The following PTHLH variants were observed in gnomAD, a reference collection of about 807,000 sequenced individuals.
The protein encoded by PTHLH is parathyroid hormone-related protein.
In PTHLH, 5 loss-of-function variants were observed where a neutral mutation model predicts 18.6. The ratio of observed to expected loss-of-function variants is 0.27; its 90% CI spans 0.14 to 0.56. PTHLH has a LOEUF of 0.56. PTHLH is among the 20% of genes least tolerant of loss of function. The pLI is 0.92. For missense variants in PTHLH, 207 were observed against 223.9 expected (o/e 0.92, Z 0.48); for synonymous variants, 90 against 94.0 (o/e 0.96, Z 0.25).
In PTHLH at chr12:27,963,511, T is replaced by C; in HGVS notation, c.361A>G (p.Thr121Ala). The change falls in exon 5 of 6, where the codon ACA becomes GCA. Residue 121 changes from threonine (T) to alanine (A), a missense_variant. Coordinates refer to ENST00000545234, the MANE Select transcript of PTHLH (RefSeq NM_198965.2). ...TTGCCTTTCTTTTTCTTCCCAGGTGTCTTGAGCGGCTGCTCTTTGTACGTC... is the reference window on the plus strand; with the variant it reads ...TTGCCTTTCTTTTTCTTCCCAGGTGCCTTGAGCGGCTGCTCTTTGTACGTC... ...VETYKEQPLK[T>A]PGKKKKGKPG... 2.5e-6 allele frequency: 4 copies of C among 1,614,220 alleles called. No individual in the cohort carries two copies. The highest frequency in any genetic ancestry group is 3.4e-6 in the Non-Finnish European group (4 of 1,180,034).
At chr12:27,969,721 C>T in intron 3 of PTHLH, 1 of 745,546 alleles carries the variant, frequency 1.3e-6, no homozygotes, top group Non-Finnish European at 2.5e-6. Flanking sequence ...TTTCTCCAAA[C>T]CACACAGCCA....
intron 5 of PTHLH, among the ~76,000 whole-genome samples, chr12:27,959,849 G>A (rs911902200): frequency 6.6e-6 from 1 of 152,130 alleles, no homozygotes; most frequent in Non-Finnish European, 1.5e-5. Context: ...TAGATGATAT[G>A]AATAAAGCCA....
chr12:27,963,385 A>G lies in PTHLH; in HGVS notation c.487T>C (p.Ser163Pro). ...TCCAGCGACGTTGTGGAGGTGTCAG[A>G]CAGGTGGTCCCCTTCTAGCCCACTC... ...TGSGLEGDHL[S>P]DTSTTSLELD... Residue 163 changes from serine (S) to proline (P), a missense_variant, in exon 5 of 6, where the codon TCT becomes CCT. Ser to Pro is a moderately conservative substitution (Grantham distance 74, BLOSUM62 -1). Coordinates refer to ENST00000545234, the MANE Select transcript of PTHLH (RefSeq NM_198965.2). The G allele has an allele frequency of 6.2e-7, 1 of 1,614,212 alleles. No homozygotes were observed. The highest frequency in any genetic ancestry group is 1.1e-5 in the South Asian group (1 of 91,084).
chr12:27,961,361 CT>C (rs981586043), intron 5 of PTHLH, among the ~76,000 whole-genome samples: 1 of 93,938 alleles, frequency 1.1e-5, no homozygotes, highest in Non-Finnish European at 2.3e-5. Context: ...ACATATCCCC[CT>C]AGATAGATAG....
chr12:27,971,884 G>A (rs2062874287), intron 2 of PTHLH, 43 bp downstream of exon 2: 1 of 151,996 alleles, frequency 6.6e-6, no homozygotes, highest in African/African-American at 2.4e-5. Flanking sequence ...GACTTGTTTG[G>A]ATAGTATGAA....
In PTHLH at chr12:27,969,486, C is replaced by T. The variant is rs1252496467; in HGVS notation, c.9G>A (p.Arg3=). The change falls in exon 4 of 6, where the codon CGG becomes CGA. Residue 3 remains arginine, a synonymous_variant. Coordinates refer to ENST00000545234, the MANE Select transcript of PTHLH (RefSeq NM_198965.2). The part of the protein sequence containing the change: MQ[R]RLVQQWSVAV... ...CGACGCTCCACTGCTGAACCAGTCT[C>T]CGCTGCATCGTCTCCGCTCGCGCTC... The T allele has an allele frequency of 1.3e-6, 2 of 1,582,934 alleles. No homozygotes were observed. The highest frequency in any genetic ancestry group is 1.7e-6 in the Non-Finnish European group (2 of 1,166,356).
intron 5 of PTHLH, chr12:27,963,044 C>G: frequency 7.9e-7 from 1 of 1,269,588 alleles, no homozygotes; most frequent in Non-Finnish European, 1.0e-6. Flanking sequence ...TGGTCACTAG[C>G]TTCTGAAGCT....
Position 27,963,763 on chromosome 12 carries a change from C to T in PTHLH, c.109G>A (p.Ala37Thr), listed in dbSNP as rs2062783782. 1 of 1,614,036 alleles carries T rather than the reference C, an allele frequency of 6.2e-7. No homozygotes were observed. Among genetic ancestry groups the T allele is most frequent in the South Asian group, 1.1e-5 (1 of 91,022 alleles). ...VEGLSRRLKR[A>T]VSEHQLLHDK... ...TGGAGGAGCTGATGTTCAGACACAGCTCTTTTGCTTTGAAAGAAAATATTA... is the reference window on the plus strand; with the variant it reads ...TGGAGGAGCTGATGTTCAGACACAGTTCTTTTGCTTTGAAAGAAAATATTA... Residue 37 changes from alanine to threonine, a missense_variant, in exon 5 of 6, where the codon GCT (alanine) becomes ACT (threonine). Transcript: ENST00000545234.
intron 5 of PTHLH, 55 bp from the exon 6 acceptor site, chr12:27,958,623 A>G: frequency 6.7e-7 from 1 of 1,485,110 alleles, no homozygotes; most frequent in Non-Finnish European, 9.1e-7. Flanking sequence ...TTTCTTTACA[A>G]ATGAAAACAT....
chr12:27,963,447 C>T lies in PTHLH; in HGVS notation c.425G>A (p.Arg142Gln). ...KRKEQEKKKR[R>Q]TRSAWLDSGV... ...AGAGTCTAACCAGGCAGAGCGAGTT[C>T]GCCGTTTTTTCTTTTCCTGCTCCTT... is the stretch of plus-strand genomic sequence containing the variant. Residue 142 changes from arginine to glutamine, a missense_variant, in exon 5 of 6, where the codon CGA becomes CAA. By Grantham distance (43) the Arg-to-Gln change is conservative. Coordinates refer to ENST00000545234, the MANE Select transcript of PTHLH (RefSeq NM_198965.2). The T allele has an allele frequency of 3.7e-6, 6 of 1,614,146 alleles. No individual in the cohort carries two copies. Among genetic ancestry groups the T allele is most frequent in the Non-Finnish European group, 4.2e-6 (5 of 1,180,026 alleles).
At chr12:27,960,006 G>A (rs1292843525) in intron 5 of PTHLH, among the ~76,000 whole-genome samples, 1 of 152,162 alleles carries the variant, frequency 6.6e-6, no homozygotes, top group Non-Finnish European at 1.5e-5. Context: ...CAGAAAGAAA[G>A]AAAAAGAAGT....
intron 5 of PTHLH, among the ~76,000 whole-genome samples, chr12:27,961,369 A>C (rs1478257390): frequency 6.9e-6 from 1 of 144,868 alleles, no homozygotes; most frequent in Non-Finnish European, 1.5e-5. Flanking sequence ...CCCTAGATAG[A>C]TAGATAGATA....
intron 5 of PTHLH, chr12:27,963,049 GA>G: frequency 7.8e-7 from 1 of 1,280,812 alleles, no homozygotes; most frequent in Non-Finnish European, 9.9e-7. Flanking sequence ...ACTAGCTTCT[GA>G]AGCTTGAATA....
intron 5 of PTHLH, among the ~76,000 whole-genome samples, chr12:27,961,315 ATAT>A (rs2062757145): frequency 1.7e-5 from 2 of 118,554 alleles, no homozygotes; most frequent in Non-Finnish European, 3.7e-5. Flanking sequence ...ATATATATAT[ATAT>A]ATACGTATAT....
In PTHLH at chr12:27,963,782, A is replaced by T. The variant is rs779090312; in HGVS notation, c.102-12T>A. On this transcript the variant is annotated splice_polypyrimidine_tract_variant and intron_variant, in intron 4 of 5. Coordinates refer to ENST00000545234, the MANE Select transcript of PTHLH (RefSeq NM_198965.2). The stretch of plus-strand genomic sequence containing the variant: ...ACACAGCTCTTTTGCTTTGAAAGAA[A>T]ATATTAGAGGGGAAGAAAACAGTTA... The T allele has an allele frequency of 6.2e-7, 1 of 1,613,532 alleles. No individual in the cohort carries two copies. The highest frequency in any genetic ancestry group is 1.7e-5 in the Admixed American group (1 of 60,006).
At chr12:27,969,540 C>A in intron 3 of PTHLH, 24 bp from the exon 4 acceptor site, 4 of 1,528,296 alleles carry the variant, frequency 2.6e-6, no homozygotes, top group South Asian at 1.2e-5. Flanking sequence ...GAATGGGACC[C>A]GAGTGTCAGT....
At chr12:27,970,845 A>G (rs998061700) in intron 2 of PTHLH, among the ~76,000 whole-genome samples, 1 of 152,198 alleles carries the variant, frequency 6.6e-6, no homozygotes, top group Non-Finnish European at 1.5e-5. Context: ...GGGGCGATGC[A>G]TGAGAACCTT....
At chr12:27,959,730 A>G (rs2062738444) in intron 5 of PTHLH, among the ~76,000 whole-genome samples, 1 of 152,204 alleles carries the variant, frequency 6.6e-6, no homozygotes, top group Non-Finnish European at 1.5e-5. Context: ...TTAATGTCTT[A>G]GGTTATTGAT....
chr12:27,959,242 TA>T (rs1032003918), intron 5 of PTHLH, among the ~76,000 whole-genome samples: 1 of 152,214 alleles, frequency 6.6e-6, no homozygotes, highest in African/African-American at 2.4e-5. Flanking sequence ...AAGCCAAAAC[TA>T]AAACAGAATC....
Sources: gnomAD v4.1 joint callset for allele counts (sites outside exome capture counted in the v4.1 genomes callset) on GRCh38, gnomAD v4.1.1 for gene constraint, MANE v1.5 for transcripts, NCBI Gene and HGNC (gene_info 2026-07-23, HGNC 2026-07-21) for gene names.